Variants in WIPF3 observed in about 807,000 individuals in gnomAD.
WIPF3 encodes WAS/WASL interacting protein family member 3, also known as WAS/WASL-interacting protein family member 3.
Under a neutral mutation model 38.9 loss-of-function variants are expected in WIPF3, and 33 were observed. The ratio of observed to expected loss-of-function variants is 0.85; its 90% CI spans 0.64 to 1.14. WIPF3 has a LOEUF of 1.14. WIPF3 is among the 50% of genes most tolerant of loss of function. The pLI is 0.00. For missense variants in WIPF3, 711 were observed against 652.5 expected, an observed-to-expected ratio of 1.09 and a Z score of -0.98; for synonymous variants, 324 against 269.3, an observed-to-expected ratio of 1.20 and a Z score of -1.99.
chr7:29,905,023 A>G (rs1289814575), intron 8 of WIPF3: 1 of 152,286 alleles, frequency 6.6e-6, no homozygotes, highest in Non-Finnish European at 1.5e-5. Context: ...CAGTCGAACA[A>G]TAATCTCCCC....
intron 2 of WIPF3, among the ~76,000 whole-genome samples, chr7:29,853,662 T>C (rs1306533436): frequency 2.6e-5 from 4 of 151,614 alleles, no homozygotes; most frequent in African/African-American, 7.3e-5. Flanking sequence ...GAGCCAGACT[T>C]CCTGTGTTGC....
intron 5 of WIPF3, 30 bp downstream of exon 5, chr7:29,884,623 T>C (rs1208070709): frequency 6.3e-6 from 10 of 1,575,262 alleles, no homozygotes; most frequent in Non-Finnish European, 8.6e-6. Context: ...CCAGTGCCCC[T>C]GGTGGAGTGC....
chr7:29,909,767 G>A lies in WIPF3; in HGVS notation c.1429-4726G>A, dbSNP rs972351599. Among the ~76,000 whole-genome samples, 7 of 151,898 alleles carry A rather than the reference G, an allele frequency of 4.6e-5. No homozygotes were observed. The South Asian group carries it at 8.3e-4, about 18-fold the overall frequency. On this transcript the variant is annotated intron_variant, in intron 8 of 8. Coordinates refer to ENST00000242140, the MANE Select transcript of WIPF3 (RefSeq NM_001080529.3). The stretch of plus-strand genomic sequence containing the variant: ...TTAAATTAGCCAGATATGGTGGTGC[G>A]TGGCTGTAGTCTAGCTACTTGGGAG...
chr7:29,837,249 G>C (rs1019188370), intron 2 of WIPF3, among the ~76,000 whole-genome samples: 1 of 151,810 alleles, frequency 6.6e-6, no homozygotes, highest in Non-Finnish European at 1.5e-5. Flanking sequence ...CCAGCTACTC[G>C]GGAGGCTGAG....
chr7:29,827,048 G>A (rs1784626303), intron 1 of WIPF3, among the ~76,000 whole-genome samples: 1 of 152,138 alleles, frequency 6.6e-6, no homozygotes, highest in Non-Finnish European at 1.5e-5. Flanking sequence ...AACACTCTAA[G>A]AACAGTGTCT....
chr7:29,885,405 C>T (rs1785855517), intron 5 of WIPF3, among the ~76,000 whole-genome samples: 1 of 152,196 alleles, frequency 6.6e-6, no homozygotes, highest in South Asian at 2.1e-4. Flanking sequence ...CATGCACACC[C>T]CCAACACACA....
intron 4 of WIPF3, among the ~76,000 whole-genome samples, chr7:29,881,744 G>A (rs6979942): frequency 0.43 from 65,157 of 152,048 alleles, 14,871 homozygotes; most frequent in African/African-American, 0.57. Flanking sequence ...GTCTTCTGGA[G>A]AACATTCAGA....
intron 7 of WIPF3, among the ~76,000 whole-genome samples, chr7:29,894,248 C>T (rs753643250): frequency 2.6e-5 from 4 of 152,126 alleles, no homozygotes; most frequent in African/African-American, 4.8e-5. Context: ...GGTGCTCACT[C>T]GCGTCCTCAA....
In WIPF3 at chr7:29,904,266, ATTG is replaced by A. The variant is rs1400100130; in HGVS notation, c.1352-17_1352-15del. 1 of 1,613,174 alleles carries A rather than the reference ATTG, an allele frequency of 6.2e-7. No individual in the cohort carries two copies. The highest frequency in any genetic ancestry group is 1.1e-5 in the South Asian group (1 of 91,032). On this transcript the variant is annotated splice_polypyrimidine_tract_variant and intron_variant, in intron 7 of 8. Coordinates refer to ENST00000242140, the MANE Select transcript of WIPF3 (RefSeq NM_001080529.3). Reference sequence around the variant, plus strand: ...GGTCCCTGGGCCAATAGATAATGAGATTGTTCTTTTTTCCTTCAGGCCGTACAC... The same window carrying A: ...GGTCCCTGGGCCAATAGATAATGAGATTCTTTTTTCCTTCAGGCCGTACAC...
intron 1 of WIPF3, among the ~76,000 whole-genome samples, chr7:29,817,709 T>C (rs1394545862): frequency 6.6e-6 from 1 of 152,170 alleles, no homozygotes; most frequent in Non-Finnish European, 1.5e-5. Flanking sequence ...TTACCATTAC[T>C]GATTCTCCAT....
chr7:29,827,105 C>A (rs1407293092), intron 1 of WIPF3, among the ~76,000 whole-genome samples: 1 of 152,220 alleles, frequency 6.6e-6, no homozygotes, highest in Non-Finnish European at 1.5e-5. Flanking sequence ...TCACTGTTAT[C>A]TAGAGCACAA....
intron 2 of WIPF3, among the ~76,000 whole-genome samples, chr7:29,856,382 C>T (rs1785187711): frequency 6.6e-6 from 1 of 152,188 alleles, no homozygotes; most frequent in Non-Finnish European, 1.5e-5. Context: ...AATCCCAGCA[C>T]TTTGGGAGGC....
chr7:29,854,324 A>G (rs556272995), intron 2 of WIPF3, among the ~76,000 whole-genome samples: 1 of 152,348 alleles, frequency 6.6e-6, no homozygotes, highest in African/African-American at 2.4e-5. Flanking sequence ...CCTCAAAAGT[A>G]TTTTCAGCTG....
intron 2 of WIPF3, among the ~76,000 whole-genome samples, chr7:29,859,837 C>T (rs1785245432): frequency 6.6e-6 from 1 of 152,160 alleles, no homozygotes; most frequent in South Asian, 2.1e-4. Flanking sequence ...TTAATTCTGA[C>T]TCAGATTAAC....
intron 2 of WIPF3, among the ~76,000 whole-genome samples, chr7:29,875,128 C>T (rs575266502): frequency 2.6e-5 from 4 of 152,296 alleles, no homozygotes; most frequent in African/African-American, 7.2e-5. Context: ...TTGTAATCTT[C>T]TGCATTCCCT....
At chr7:29,891,841 CAG>C (rs966292222) in intron 7 of WIPF3, among the ~76,000 whole-genome samples, 7 of 152,036 alleles carry the variant, frequency 4.6e-5, no homozygotes, top group African/African-American at 1.7e-4. Context: ...GCCTGAAAGC[CAG>C]AGAGAGAGGG....
chr7:29,847,016 A>G (rs1273687106), intron 2 of WIPF3, among the ~76,000 whole-genome samples: 1 of 152,202 alleles, frequency 6.6e-6, no homozygotes, highest in Non-Finnish European at 1.5e-5. Flanking sequence ...CTAGAATGGA[A>G]ACTTCATAGA....
rs756325354 is a variant in WIPF3 at position 29,884,527 on chromosome 7, T to C, written c.1033T>C (p.Leu345=). Reference sequence around the variant, plus strand: ...ACCGCAGAAGGCCGGTGCGCAGGCCTTGCCCGCCCCGCCTGCCCCTCCGGG... The same window carrying C: ...ACCGCAGAAGGCCGGTGCGCAGGCCCTGCCCGCCCCGCCTGCCCCTCCGGG... The part of the protein sequence containing the change: ...APPQKAGAQA[L]PAPPAPPGSQ... The change falls in exon 5 of 9, where the codon TTG becomes CTG. Residue 345 remains leucine, a synonymous_variant. Coordinates refer to ENST00000242140, the MANE Select transcript of WIPF3 (RefSeq NM_001080529.3). The C allele has an allele frequency of 7.7e-6, 12 of 1,566,832 alleles. No individual in the cohort carries two copies.
chr7:29,863,452 A>G lies in WIPF3; in HGVS notation c.91-12378A>G, dbSNP rs558802617. On this transcript the variant is annotated intron_variant, in intron 2 of 8. Coordinates refer to ENST00000242140, the MANE Select transcript of WIPF3 (RefSeq NM_001080529.3). ...TCTATTTCTCTATCATAACCAGACCATACCATCTTGATTACTGTAGTTTAC... is the reference window on the plus strand; with the variant it reads ...TCTATTTCTCTATCATAACCAGACCGTACCATCTTGATTACTGTAGTTTAC... Among the ~76,000 whole-genome samples the G allele has an allele frequency of 6.6e-5, 10 of 152,382 alleles. No homozygotes were observed. In the East Asian group the frequency reaches 1.7e-3, roughly 26 times the overall value.
Sources: allele counts gnomAD v4.1 joint callset (sites outside exome capture counted in the v4.1 genomes callset), GRCh38; gene constraint gnomAD v4.1.1; transcripts MANE v1.5; gene names NCBI Gene and HGNC (gene_info 2026-07-23, HGNC 2026-07-21).